The following TNRC6B variants were observed in gnomAD, a reference collection of about 807,000 sequenced individuals.
TNRC6B encodes the protein trinucleotide repeat-containing gene 6B protein.
In TNRC6B, 52 loss-of-function variants were observed where a neutral mutation model predicts 203.6. That is an observed-to-expected ratio of 0.26 (90% CI 0.20 to 0.32). The LOEUF is 0.32. Ranked by LOEUF, TNRC6B falls within the 10% of genes least tolerant of loss-of-function variation. The pLI is 1.00. For synonymous variants in TNRC6B, 838 were observed against 845.7 expected (o/e 0.99, Z 0.16); for missense variants, 1,923 against 2,286.2 (o/e 0.84, Z 3.24).
In TNRC6B at chr22:40,266,535, G is replaced by A; in HGVS notation, c.2305G>A (p.Val769Met). 2 of 1,613,858 alleles carry A rather than the reference G, an allele frequency of 1.2e-6. No individual in the cohort carries two copies. The highest frequency in any genetic ancestry group is 2.2e-5 in the South Asian group (2 of 91,070). Reference protein sequence around the residue: ...SNWESSASKPVSGWGEGGQNE... With the variant: ...SNWESSASKPMSGWGEGGQNE... Reference sequence around the variant, plus strand: ...TTGGGAAAGTTCTGCAAGTAAACCTGTGTCTGGGTGGGGTGAAGGAGGGCA... The same window carrying A: ...TTGGGAAAGTTCTGCAAGTAAACCTATGTCTGGGTGGGGTGAAGGAGGGCA... The change falls in exon 5 of 23, where the codon GTG becomes ATG. Residue 769 changes from valine to methionine, a missense_variant. Val to Met is a conservative substitution (Grantham distance 21). This residue lies in a region of TNRC6B where 599 missense variants were observed against 656.5 expected (regional missense o/e 0.91). Transcript: ENST00000454349.
At position 40,051,972 on chromosome 22, in the gene TNRC6B, G is replaced by A. The variant is rs760792573; in HGVS notation, c.-121+6974G>A. On this transcript the variant is annotated intron_variant, in intron 1 of 23. Coordinates refer to the TNRC6B transcript ENST00000301923. ...AGTTCAGAGTAACCACATTTCAAGT[G>A]CTCAGTAGCCACATGTGGCTAGTGG... 1.7e-4 allele frequency among the ~76,000 whole-genome samples: 26 copies of A among 152,242 alleles called. 1 individual carries two copies. The highest frequency in any genetic ancestry group is 3.4e-3 in the Middle Eastern group (1 of 292).
intron 1 of TNRC6B, among the ~76,000 whole-genome samples, chr22:40,228,256 C>T (rs1424581474): frequency 3.3e-5 from 5 of 151,736 alleles, no homozygotes; most frequent in African/African-American, 1.2e-4. Flanking sequence ...GGTGAAACCC[C>T]GTCTCTACTA....
At position 40,266,552 on chromosome 22, in the gene TNRC6B, A is replaced by G. The variant is rs1259416531; in HGVS notation, c.2322A>G (p.Glu774=). The G allele has an allele frequency of 6.2e-7, 1 of 1,613,788 alleles. No individual in the cohort carries two copies. The highest frequency in any genetic ancestry group is 1.3e-5 in the African/African-American group (1 of 75,028). Residue 774 remains glutamate, a synonymous_variant, in exon 5 of 23, where the codon GAA becomes GAG. Coordinates refer to ENST00000454349, the MANE Select transcript of TNRC6B (RefSeq NM_001162501.2). ...SASKPVSGWG[E]GGQNEIGTWG... is the part of the protein sequence containing the mutation. Reference sequence around the variant, plus strand: ...GTAAACCTGTGTCTGGGTGGGGTGAAGGAGGGCAGAATGAAATCGGGACTT... The same window carrying G: ...GTAAACCTGTGTCTGGGTGGGGTGAGGGAGGGCAGAATGAAATCGGGACTT...
At chr22:40,108,410 G>C (rs962976198) in intron 1 of TNRC6B, among the ~76,000 whole-genome samples, 1 of 152,198 alleles carries the variant, frequency 6.6e-6, no homozygotes, top group East Asian at 1.9e-4. Flanking sequence ...TTGGAAGTTA[G>C]GGCTTAGGAG....
At chr22:40,195,513 A>T (rs539569072) in intron 1 of TNRC6B, among the ~76,000 whole-genome samples, 62 of 152,216 alleles carry the variant, frequency 4.1e-4, no homozygotes, top group African/African-American at 8.7e-4. Context: ...CCCAGGCTGG[A>T]GTGCAATGGC....
At chr22:40,274,204 T>C (rs947882385) in intron 7 of TNRC6B, among the ~76,000 whole-genome samples, 2 of 152,156 alleles carry the variant, frequency 1.3e-5, no homozygotes, top group Non-Finnish European at 2.9e-5. Context: ...ACTTTATAAA[T>C]GCTTTTGCAT....
intron 3 of TNRC6B, among the ~76,000 whole-genome samples, chr22:40,149,679 CAAAAAAAAA>C (rs58482182): frequency 2.5e-4 from 21 of 84,828 alleles, no homozygotes; most frequent in African/African-American, 9.1e-4. Context: ...CCTCCCCCGC[CAAAAAAAAA>C]AAAAAAAAAA....
intron 3 of TNRC6B, among the ~76,000 whole-genome samples, chr22:40,258,960 TGA>T (rs1438931727): frequency 6.6e-6 from 1 of 152,202 alleles, no homozygotes; most frequent in Non-Finnish European, 1.5e-5. Context: ...TAACTTATAA[TGA>T]AGATTCTTGA....
intron 1 of TNRC6B, chr22:40,106,583 T>G: frequency 1.4e-6 from 1 of 727,808 alleles, no homozygotes; most frequent in Non-Finnish European, 2.5e-6. Context: ...CTTACTGAAT[T>G]CTCCATAACC....
chr22:40,254,175 C>T, intron 3 of TNRC6B, among the ~76,000 whole-genome samples: 1 of 152,082 alleles, frequency 6.6e-6, no homozygotes, highest in Non-Finnish European at 1.5e-5. Flanking sequence ...TAATAGAAAG[C>T]ACTTAAGGTA....
At chr22:40,287,298 C>T (rs376518502) in intron 12 of TNRC6B, among the ~76,000 whole-genome samples, 6 of 152,300 alleles carry the variant, frequency 3.9e-5, no homozygotes, top group East Asian at 1.9e-4. Context: ...CATGAACCAC[C>T]GTGCCCAGCC....
intron 1 of TNRC6B, among the ~76,000 whole-genome samples, chr22:40,227,424 G>T (rs910336551): frequency 1.1e-4 from 15 of 132,652 alleles, no homozygotes; most frequent in African/African-American, 4.2e-4. Context: ...GGAGTGCAGT[G>T]GTGCCATCTT....
chr22:40,153,561 C>A (rs200979659), intron 3 of TNRC6B, among the ~76,000 whole-genome samples: 321 of 136,346 alleles, frequency 2.4e-3, no homozygotes, highest in African/African-American at 6.9e-3. Flanking sequence ...AAAAAAAAAA[C>A]AAAAAGAATA....
At chr22:40,295,512 A>C (rs996205992) in intron 12 of TNRC6B, among the ~76,000 whole-genome samples, 1 of 151,726 alleles carries the variant, frequency 6.6e-6, no homozygotes, top group African/African-American at 2.4e-5. Context: ...AAAGATAGGC[A>C]TGTAGTCTTG....
intron 3 of TNRC6B, among the ~76,000 whole-genome samples, chr22:40,141,204 C>CTTTTTTTTTT (rs757105010): frequency 4.0e-5 from 3 of 75,700 alleles, no homozygotes; most frequent in Non-Finnish European, 7.3e-5. Context: ...AAATTCTGTC[C>CTTTTTTTTTT]TTTTTTTTTT....
In TNRC6B at chr22:40,206,166, C is replaced by T. The variant is rs189966332; in HGVS notation, c.5+28026C>T. On this transcript the variant is annotated intron_variant, in intron 1 of 22. Transcript: ENST00000454349. ...ATTTTTTATTTTTTGTTTTTTTGAG[C>T]ATGGACATATTAGATATTAATATAG... Among the ~76,000 whole-genome samples, 7 of 151,944 alleles carry T rather than the reference C, an allele frequency of 4.6e-5. No individual in the cohort carries two copies. The East Asian group carries it at 1.3e-3, about 29-fold the overall frequency.
At chr22:40,240,136 T>C (rs944645756) in intron 1 of TNRC6B, among the ~76,000 whole-genome samples, 8 of 152,170 alleles carry the variant, frequency 5.3e-5, no homozygotes, top group Admixed American at 4.6e-4. Flanking sequence ...CGGCCGAATA[T>C]TGGGTATTTT....
chr22:40,285,404 A>G (rs1230782895), intron 11 of TNRC6B, among the ~76,000 whole-genome samples: 1 of 152,192 alleles, frequency 6.6e-6, no homozygotes, highest in Non-Finnish European at 1.5e-5. Flanking sequence ...ACTTTTCCTA[A>G]TATTTGATGA....
chr22:40,102,548 T>G (rs2146305962), intron 1 of TNRC6B, among the ~76,000 whole-genome samples: 1 of 152,174 alleles, frequency 6.6e-6, no homozygotes, highest in South Asian at 2.1e-4. Context: ...TATAAAAGAG[T>G]GCCGGGTATT....
Sources: allele counts gnomAD v4.1 joint callset (sites outside exome capture counted in the v4.1 genomes callset), GRCh38; gene constraint gnomAD v4.1.1; regional missense constraint gnomAD v4.1.1; transcripts MANE v1.5; gene names NCBI Gene and HGNC (gene_info 2026-07-23, HGNC 2026-07-21).